TRIQK: variants seen among roughly 807,000 people sequenced by gnomAD.
The protein encoded by TRIQK is triple QxxK/R motif containing, also known as triple QxxK/R motif-containing protein.
A neutral mutation model predicts 10.8 loss-of-function variants in TRIQK; 10 were observed. The observed-to-expected ratio is 0.92, with a 90% CI of 0.57 to 1.57. The LOEUF (loss-of-function observed/expected upper bound fraction) is 1.57. Ranked by LOEUF, TRIQK falls within the 40% of genes most tolerant of loss-of-function variation. The pLI is 0.00. For missense variants in TRIQK, 107 were observed against 97.7 expected (o/e 1.09, Z -0.40); for synonymous variants, 33 against 33.7 (o/e 0.98, Z 0.07).
At chr8:93,001,140 T>C (rs1813206762) in intron 1 of TRIQK, among the ~76,000 whole-genome samples, 1 of 151,968 alleles carries the variant, frequency 6.6e-6, no homozygotes, top group Admixed American at 6.6e-5. Context: ...ACCCCGTCTC[T>C]ACTAAAAATA....
At chr8:92,891,950 G>A (rs1183087014) in intron 4 of TRIQK, 39 bp downstream of exon 4, 5 of 1,363,060 alleles carry the variant, frequency 3.7e-6, no homozygotes, top group Non-Finnish European at 5.0e-6. Context: ...GAAATGGCAT[G>A]CACATATCAA....
chr8:92,933,295 A>C (rs1464836165), intron 2 of TRIQK, among the ~76,000 whole-genome samples: 1 of 152,174 alleles, frequency 6.6e-6, no homozygotes, highest in Non-Finnish European at 1.5e-5. Context: ...ATATTTTACA[A>C]AACAATTAAT....
chr8:92,936,310 G>T (rs191817879), intron 2 of TRIQK, among the ~76,000 whole-genome samples: 1 of 151,444 alleles, frequency 6.6e-6, no homozygotes, highest in Non-Finnish European at 1.5e-5. Context: ...AAATGAAAGG[G>T]CAATTTAACA....
At chr8:92,910,623 A>G (rs1809519308) in intron 3 of TRIQK, among the ~76,000 whole-genome samples, 1 of 151,094 alleles carries the variant, frequency 6.6e-6, no homozygotes, top group South Asian at 2.1e-4. Context: ...AGATTAAAAT[A>G]AAGGGATAAG....
rs764152639 is a variant in TRIQK at position 92,886,603 on chromosome 8, T to C, written c.*19A>G. 47 of 1,443,550 alleles carry C rather than the reference T, an allele frequency of 3.3e-5. No homozygotes were observed. Among genetic ancestry groups the C allele is most frequent in the Non-Finnish European group, 4.3e-5 (46 of 1,077,506 alleles). The allele number at this position is 1,443,550 out of a possible 1,614,324, so 89.4% of individuals were successfully genotyped here. A position where few individuals can be genotyped will look rare whatever the true frequency, so the allele number is the denominator to read the frequency against. On this transcript the variant is annotated 3_prime_UTR_variant, in exon 5 of 5. Transcript: ENST00000521988. The stretch of plus-strand genomic sequence containing the variant: ...CTTTCGTAAAGTTATTTCTCTTTCA[T>C]GCATTGATTGTTGCTTAGCTAATCT...
chr8:92,894,134 T>C (rs1408419609), intron 3 of TRIQK, among the ~76,000 whole-genome samples: 1 of 152,118 alleles, frequency 6.6e-6, no homozygotes, highest in Non-Finnish European at 1.5e-5. Context: ...GTATTTATAA[T>C]AAAAAGACAG....
In TRIQK at chr8:92,890,664, T is replaced by A. The variant is rs554454095; in HGVS notation, c.147+1325A>T. Among the ~76,000 whole-genome samples the A allele has an allele frequency of 4.3e-4, 66 of 151,996 alleles. No homozygotes were observed. The Middle Eastern group carries it at 0.01, about 23-fold the overall frequency. ...CTGCACTATTTCTCAAATCCTGATA[T>A]TTAACTTCTCATCATATTGTGCCAC... On this transcript the variant is annotated intron_variant, in intron 4 of 4. Coordinates refer to ENST00000521988, the MANE Select transcript of TRIQK (RefSeq NM_001171797.2).
intron 1 of TRIQK, among the ~76,000 whole-genome samples, chr8:92,960,949 C>A (rs1261071325): frequency 6.6e-6 from 1 of 152,136 alleles, no homozygotes; most frequent in Non-Finnish European, 1.5e-5. Flanking sequence ...ATTTTGTTTT[C>A]TCTTACTATC....
chr8:93,003,349 G>T (rs556660949), intron 1 of TRIQK, among the ~76,000 whole-genome samples: 125 of 119,338 alleles, frequency 1.0e-3, no homozygotes, highest in Admixed American at 4.1e-3. Context: ...AGCACAAAGG[G>T]GGAAGTGTTA....
intron 2 of TRIQK, among the ~76,000 whole-genome samples, chr8:92,949,152 G>T (rs1466255403): frequency 2.6e-5 from 4 of 152,144 alleles, no homozygotes; most frequent in Non-Finnish European, 5.9e-5. Context: ...GGCCTGGGAG[G>T]CTTCCTGATT....
At chr8:92,929,683 A>T (rs1810612846) in intron 2 of TRIQK, 1 of 152,170 alleles carries the variant, frequency 6.6e-6, no homozygotes, top group Non-Finnish European at 1.5e-5. Flanking sequence ...TTAAATTCTA[A>T]ACTTTTCACA....
intron 1 of TRIQK, among the ~76,000 whole-genome samples, chr8:93,008,419 TA>T (rs1813295974): frequency 1.3e-5 from 2 of 152,148 alleles, no homozygotes; most frequent in Non-Finnish European, 2.9e-5. Flanking sequence ...GTCATCTACA[TA>T]TTCAATGTAG....
chr8:92,981,778 C>A (rs16915407), intron 1 of TRIQK, among the ~76,000 whole-genome samples: 4,804 of 151,738 alleles, frequency 0.032, 119 homozygotes, highest in South Asian at 0.049. Context: ...TTTCTATTGC[C>A]AACGAATGCA....
At chr8:92,944,013 C>CA (rs963325260) in intron 2 of TRIQK, among the ~76,000 whole-genome samples, 18 of 151,372 alleles carry the variant, frequency 1.2e-4, no homozygotes, top group Admixed American at 5.3e-4. Flanking sequence ...CAACTCAATA[C>CA]AAAAAAAACC....
At chr8:92,949,454 TATC>T (rs1189719964) in intron 2 of TRIQK, among the ~76,000 whole-genome samples, 1 of 151,948 alleles carries the variant, frequency 6.6e-6, no homozygotes, top group Non-Finnish European at 1.5e-5. Context: ...CAATAAATGT[TATC>T]ATCATCATTA....
chr8:92,947,515 C>T (rs912905625), intron 2 of TRIQK, among the ~76,000 whole-genome samples: 7 of 128,782 alleles, frequency 5.4e-5, no homozygotes, highest in South Asian at 5.3e-4. Context: ...ACGCAGGAGG[C>T]GGAGGTTGCA....
intron 1 of TRIQK, among the ~76,000 whole-genome samples, chr8:92,961,134 A>C (rs1367842511): frequency 6.6e-6 from 1 of 152,198 alleles, no homozygotes; most frequent in Non-Finnish European, 1.5e-5. Flanking sequence ...TTCTACTGAT[A>C]ACCTCTGCCT....
At chr8:92,946,332 G>C (rs1811530927) in intron 2 of TRIQK, among the ~76,000 whole-genome samples, 1 of 151,934 alleles carries the variant, frequency 6.6e-6, no homozygotes, top group African/African-American at 2.4e-5. Context: ...TTCCAACCTG[G>C]AACAGCTGCA....
At chr8:92,954,865 T>C (rs2130683825) in intron 1 of TRIQK, among the ~76,000 whole-genome samples, 1 of 152,016 alleles carries the variant, frequency 6.6e-6, no homozygotes, top group South Asian at 2.1e-4. Context: ...ATCTGAAAAG[T>C]AGCAGGAGAT....
Sources: gnomAD v4.1 joint callset for allele counts (sites outside exome capture counted in the v4.1 genomes callset) on GRCh38, gnomAD v4.1.1 for gene constraint, MANE v1.5 for transcripts, NCBI Gene and HGNC (gene_info 2026-07-23, HGNC 2026-07-21) for gene names.